The following NELL1 variants were observed in gnomAD, a reference collection of about 807,000 sequenced individuals.
NELL1 encodes protein kinase C-binding protein NELL1.
A neutral mutation model predicts 107.4 loss-of-function variants in NELL1; 76 were observed. The observed-to-expected ratio is 0.71, with a 90% CI of 0.59 to 0.86. NELL1 has a LOEUF of 0.86. Among genes scored for constraint, NELL1 ranks in the 40% least tolerant of loss-of-function variants. The pLI, the probability that NELL1 is intolerant of heterozygous loss-of-function variation, is 0.00. For missense variants in NELL1, 1,024 were observed against 1,005.5 expected, an observed-to-expected ratio of 1.02 and a Z score of -0.25; for synonymous variants, 353 against 341.2, an observed-to-expected ratio of 1.03 and a Z score of -0.38.
At chr11:21,138,804 G>A (rs73448542) in intron 13 of NELL1, among the ~76,000 whole-genome samples, 5 of 152,280 alleles carry the variant, frequency 3.3e-5, no homozygotes, top group East Asian at 1.9e-4. Context: ...GTTTGAAACC[G>A]TGACTCATGG....
chr11:20,681,182 T>C (rs78986319), intron 2 of NELL1, among the ~76,000 whole-genome samples: 6,614 of 152,216 alleles, frequency 0.043, 510 homozygotes, highest in African/African-American at 0.15. Context: ...CTGAGAACTC[T>C]CTGAATTATC....
rs80272005 is a variant in NELL1, at chr11:20,877,869, G to A, written c.507-7575G>A. Among the ~76,000 whole-genome samples, 1,302 of 152,282 alleles carry A rather than the reference G, an allele frequency of 8.5e-3. 17 individuals are homozygous for A. Among genetic ancestry groups the A allele is most frequent in the African/African-American group, 0.03 (1,247 of 41,546 alleles). Reference sequence around the variant, plus strand: ...CGTACAGCTTAATAGGTAGCACCTTGTAAAGGCTCAAGTGAATACAAAGCC... The same window carrying A: ...CGTACAGCTTAATAGGTAGCACCTTATAAAGGCTCAAGTGAATACAAAGCC... On this transcript the variant is annotated intron_variant, in intron 4 of 19. Coordinates refer to ENST00000357134, the MANE Select transcript of NELL1 (RefSeq NM_006157.5).
intron 2 of NELL1, among the ~76,000 whole-genome samples, chr11:20,698,818 C>T (rs774517995): frequency 6.6e-6 from 1 of 152,104 alleles, no homozygotes; most frequent in Non-Finnish European, 1.5e-5. Context: ...CACAAGTCCC[C>T]GAAGTCCATT....
At position 21,161,944 on chromosome 11, in the gene NELL1, C is replaced by CTTTTTTTTTT. The variant is rs34422649; in HGVS notation, c.1426+48245_1426+48254dup. On this transcript the variant is annotated intron_variant, in intron 13 of 19. Coordinates refer to ENST00000357134, the MANE Select transcript of NELL1 (RefSeq NM_006157.5). ...CCAATCTTTTCTCTGGGAACATAAT[C>CTTTTTTTTTT]TTTTTTTTTTTTTTTTTTTTTTTTG... is the stretch of plus-strand genomic sequence containing the variant. 4.2e-4 allele frequency among the ~76,000 whole-genome samples: 35 copies of CTTTTTTTTTT among 83,062 alleles called. 2 individuals are homozygous for CTTTTTTTTTT. Among genetic ancestry groups the CTTTTTTTTTT allele is most frequent in the Admixed American group, 5.7e-4 (3 of 5,270 alleles). The allele number at this position is 83,062 out of a possible 152,430, so 54.5% of individuals were successfully genotyped here.
intron 14 of NELL1, chr11:21,284,625 A>G (rs1849074632): frequency 2.4e-6 from 1 of 420,456 alleles, no homozygotes; most frequent in South Asian, 1.7e-5. Context: ...TGGCAATGTT[A>G]TCAACAGTGT....
intron 14 of NELL1, among the ~76,000 whole-genome samples, chr11:21,247,154 T>C (rs1858514446): frequency 6.6e-6 from 1 of 152,082 alleles, no homozygotes; most frequent in Non-Finnish European, 1.5e-5. Flanking sequence ...AGTGAGTGAG[T>C]GGTTGAGTGA....
intron 15 of NELL1, among the ~76,000 whole-genome samples, chr11:21,514,043 C>T (rs1239004035): frequency 6.6e-6 from 1 of 152,280 alleles, no homozygotes; most frequent in East Asian, 1.9e-4. Context: ...AAACATAAAA[C>T]TTGATTAATC....
At chr11:21,170,471 C>T (rs1163646015) in intron 13 of NELL1, among the ~76,000 whole-genome samples, 1 of 151,744 alleles carries the variant, frequency 6.6e-6, no homozygotes, top group Non-Finnish European at 1.5e-5. Context: ...TTTTATACCA[C>T]AATATATTGC....
At chr11:21,475,498 A>G (rs538525030) in intron 15 of NELL1, among the ~76,000 whole-genome samples, 62 of 152,258 alleles carry the variant, frequency 4.1e-4, no homozygotes, top group African/African-American at 1.2e-3. Flanking sequence ...GCTCTGGCCA[A>G]TCCCCTATGA....
intron 13 of NELL1, among the ~76,000 whole-genome samples, chr11:21,179,812 C>T (rs1029166802): frequency 7.2e-5 from 10 of 139,614 alleles, no homozygotes; most frequent in African/African-American, 2.7e-4. Flanking sequence ...TGTTTTTAAC[C>T]AAAATATAGG....
chr11:20,924,612 C>G (rs1285560420), intron 7 of NELL1, among the ~76,000 whole-genome samples: 1 of 152,126 alleles, frequency 6.6e-6, no homozygotes, highest in Non-Finnish European at 1.5e-5. Flanking sequence ...GCCTTTTGGG[C>G]CATTTAGTCC....
At chr11:20,951,842 G>A (rs1221266226) in intron 11 of NELL1, among the ~76,000 whole-genome samples, 2 of 151,950 alleles carry the variant, frequency 1.3e-5, no homozygotes, top group Non-Finnish European at 2.9e-5. Flanking sequence ...AGTTTGTGCT[G>A]GCAACATGAA....
At chr11:21,116,232 T>C (rs1426346189) in intron 13 of NELL1, among the ~76,000 whole-genome samples, 1 of 151,982 alleles carries the variant, frequency 6.6e-6, no homozygotes, top group African/African-American at 2.4e-5. Flanking sequence ...TTTTGTGCCA[T>C]CCTATTTCCT....
At chr11:21,283,567 A>G (rs1008624102) in intron 14 of NELL1, 121 of 152,804 alleles carry the variant, frequency 7.9e-4, no homozygotes, top group African/African-American at 2.7e-3. Flanking sequence ...TAGATCCAAA[A>G]TAGTTGTATT....
rs375747635 is a variant in NELL1, at chr11:21,413,008, T to C, written c.1645+42060T>C. ...CACACTCTCTAGTCTCAACGACATG[T>C]ATGGAATGTGGTGTTAGGTATTCCA... On this transcript the variant is annotated intron_variant, in intron 15 of 19. Coordinates refer to ENST00000357134, the MANE Select transcript of NELL1 (RefSeq NM_006157.5). Among the ~76,000 whole-genome samples the C allele has an allele frequency of 2.0e-4, 31 of 152,214 alleles. No individual in the cohort carries two copies. In the South Asian group the frequency reaches 6.2e-3, roughly 31 times the overall value.
chr11:21,298,366 T>A lies in NELL1; in HGVS notation c.1549+68912T>A, dbSNP rs139743927. 3.6e-3 allele frequency among the ~76,000 whole-genome samples: 545 copies of A among 152,104 alleles called. 5 individuals are homozygous for A. Among genetic ancestry groups the A allele is most frequent in the African/African-American group, 0.013 (520 of 41,522 alleles). On this transcript the variant is annotated intron_variant, in intron 14 of 19. Coordinates refer to ENST00000357134, the MANE Select transcript of NELL1 (RefSeq NM_006157.5). ...TATCAATTTGTTATTTTCAGTTCAC[T>A]TCTTATTTATTTCTTCTCTTCTCAG...
intron 16 of NELL1, among the ~76,000 whole-genome samples, chr11:21,540,128 G>A (rs1856254134): frequency 6.6e-6 from 1 of 152,082 alleles, no homozygotes; most frequent in Non-Finnish European, 1.5e-5. Flanking sequence ...TAATGATCAA[G>A]TCAGGGTATT....
chr11:21,016,848 C>T (rs764844852), intron 12 of NELL1, among the ~76,000 whole-genome samples: 1 of 152,086 alleles, frequency 6.6e-6, no homozygotes, highest in Non-Finnish European at 1.5e-5. Context: ...CCCCTAACTT[C>T]CCATATCAAC....
At chr11:21,326,580 CT>C (rs1251707821) in intron 14 of NELL1, among the ~76,000 whole-genome samples, 1 of 151,778 alleles carries the variant, frequency 6.6e-6, no homozygotes, top group Non-Finnish European at 1.5e-5. Flanking sequence ...CCCTAGCGAT[CT>C]TTATTTTTTT....
Sources: gnomAD v4.1 joint callset for allele counts (sites outside exome capture counted in the v4.1 genomes callset) on GRCh38, gnomAD v4.1.1 for gene constraint, MANE v1.5 for transcripts, NCBI Gene and HGNC (gene_info 2026-07-23, HGNC 2026-07-21) for gene names.